TBC1D14: variants seen among roughly 807,000 people sequenced by gnomAD.
TBC1D14 encodes the protein TBC1 domain family member 14, also known as TBC1 domain family, member 14.
In TBC1D14, 26 loss-of-function variants were observed where a neutral mutation model predicts 79.0. The ratio of observed to expected loss-of-function variants is 0.33; its 90% confidence interval spans 0.24 to 0.46. TBC1D14 has a LOEUF of 0.46. TBC1D14 is among the 20% of genes least tolerant of loss of function. The probability of loss-of-function intolerance (pLI) is 1.00; values close to 1 mark genes in which losing one functional copy is unlikely to be tolerated. For synonymous variants in TBC1D14, 394 were observed against 349.9 expected, an observed-to-expected ratio of 1.13 and a Z score of -1.40; for missense variants, 769 against 887.6, an observed-to-expected ratio of 0.87 and a Z score of 1.70.
chr4:6,994,054 G>A, intron 3 of TBC1D14, 130 bp from the exon 4 acceptor site: 1 of 748,300 alleles, frequency 1.3e-6, no homozygotes, highest in Non-Finnish European at 2.3e-6. Context: ...TGAATAGCAG[G>A]AAAGGTTTTT....
chr4:7,027,704 A>G (rs1199147639), intron 13 of TBC1D14, among the ~76,000 whole-genome samples: 1 of 82,580 alleles, frequency 1.2e-5, no homozygotes, highest in Non-Finnish European at 2.2e-5. Context: ...CCCCCCACAC[A>G]TCACACAACC....
chr4:6,960,657 C>T (rs926146663), intron 2 of TBC1D14, among the ~76,000 whole-genome samples: 1 of 152,204 alleles, frequency 6.6e-6, no homozygotes, highest in Non-Finnish European at 1.5e-5. Flanking sequence ...TGTTTTATGT[C>T]AGCCAGCATC....
chr4:6,923,168 C>T (rs1214648575), intron 1 of TBC1D14, among the ~76,000 whole-genome samples: 3 of 152,204 alleles, frequency 2.0e-5, no homozygotes, highest in African/African-American at 4.8e-5. Context: ...CGCCACTGCC[C>T]TCCAGCCTGG....
In TBC1D14 at chr4:6,923,395, T is replaced by A; in HGVS notation, c.6T>A (p.Thr2=). The change falls in exon 2 of 14, where the codon ACT becomes ACA. Residue 2 remains threonine (T), a synonymous_variant. Transcript: ENST00000409757. ...TAGTTTCTCCTTGGACCAAGATGAC[T>A]GATGGAAAACTCTCCACCTCTACAA... is the stretch of plus-strand genomic sequence containing the variant. M[T]DGKLSTSTNG... 1 of 1,590,280 alleles carries A rather than the reference T, an allele frequency of 6.3e-7. No individual in the cohort carries two copies. Among genetic ancestry groups the A allele is most frequent in the Non-Finnish European group, 8.6e-7 (1 of 1,166,390 alleles).
At chr4:6,945,271 C>T (rs899856524) in intron 2 of TBC1D14, among the ~76,000 whole-genome samples, 1 of 152,054 alleles carries the variant, frequency 6.6e-6, no homozygotes, top group Non-Finnish European at 1.5e-5. Flanking sequence ...AATCAGCACA[C>T]AGCCTGGATC....
chr4:6,925,574 C>G (rs573407293), intron 2 of TBC1D14, among the ~76,000 whole-genome samples: 2 of 152,258 alleles, frequency 1.3e-5, no homozygotes, highest in East Asian at 3.9e-4. Context: ...GTGAGATGAT[C>G]TGTGGTGTGG....
At chr4:6,930,798 C>CAAAAAAAAAAAAAAAA (rs35354700) in intron 2 of TBC1D14, among the ~76,000 whole-genome samples, 1 of 139,292 alleles carries the variant, frequency 7.2e-6, no homozygotes, top group African/African-American at 2.7e-5. Context: ...ACTCCATCTC[C>CAAAAAAAAAAAAAAAA]AAAAAAAAAA....
intron 3 of TBC1D14, among the ~76,000 whole-genome samples, chr4:6,993,756 T>C (rs912682194): frequency 6.6e-6 from 1 of 152,196 alleles, no homozygotes; most frequent in African/African-American, 2.4e-5. Context: ...ACGCCTGTAA[T>C]GTCAGCACTT....
In TBC1D14 at chr4:6,923,686, G is replaced by A; in HGVS notation, c.297G>A (p.Arg99=). ...CCGACTCCGACCTCATCCCCGAGCG[G>A]GCCTTCCAGAGCGCCTGCGCGCTGC... The part of the protein sequence containing the change: ...KQSDSDLIPE[R]AFQSACALPS... Residue 99 remains arginine, a synonymous_variant, in exon 2 of 14, where the codon CGG becomes CGA. Coordinates refer to ENST00000409757, the MANE Select transcript of TBC1D14 (RefSeq NM_020773.3). 1.9e-6 allele frequency: 3 copies of A among 1,613,750 alleles called. No homozygotes were observed. Among genetic ancestry groups the A allele is most frequent in the Admixed American group, 3.3e-5 (2 of 60,024 alleles).
At chr4:6,976,564 G>A (rs957037799) in intron 3 of TBC1D14, among the ~76,000 whole-genome samples, 1 of 152,170 alleles carries the variant, frequency 6.6e-6, no homozygotes, top group Non-Finnish European at 1.5e-5. Flanking sequence ...TCTGTATCCA[G>A]CAAAAATGCC....
intron 9 of TBC1D14, among the ~76,000 whole-genome samples, chr4:7,008,024 C>A (rs956993300): frequency 5.9e-5 from 9 of 152,200 alleles, no homozygotes; most frequent in African/African-American, 2.2e-4. Flanking sequence ...TGGGCAAATC[C>A]ATCTTTTTGA....
intron 3 of TBC1D14, among the ~76,000 whole-genome samples, chr4:6,976,930 T>C (rs539829518): frequency 4.6e-5 from 7 of 151,724 alleles, no homozygotes; most frequent in Non-Finnish European, 1.0e-4. Flanking sequence ...AAAACCACAG[T>C]TGAATATACA....
At position 7,004,861 on chromosome 4, in the gene TBC1D14, C is replaced by G; in HGVS notation, c.1288C>G (p.Leu430Val). The G allele has an allele frequency of 1.9e-6, 3 of 1,614,130 alleles. No individual in the cohort carries two copies. Among genetic ancestry groups the G allele is most frequent in the Non-Finnish European group, 2.5e-6 (3 of 1,180,000 alleles). ...TCTTCCAGAGCTCTTTGACATCTGTCTTGCCCGAGCCAAGGAGAGGTGGCG... is the reference window on the plus strand; with the variant it reads ...TCTTCCAGAGCTCTTTGACATCTGTGTTGCCCGAGCCAAGGAGAGGTGGCG... ...NITHELFDIC[L>V]ARAKERWRSL... Residue 430 changes from leucine to valine, a missense_variant, in exon 8 of 14, where the codon CTT becomes GTT. Leu to Val is a conservative substitution (Grantham distance 32). This residue lies in a region of TBC1D14 where 367 missense variants were observed against 494.4 expected (regional missense o/e 0.74). Transcript: ENST00000409757.
chr4:7,001,287 C>T (rs771221864), intron 7 of TBC1D14, 36 bp downstream of exon 7: 8 of 1,565,664 alleles, frequency 5.1e-6, no homozygotes, highest in Admixed American at 5.1e-5. Context: ...AGTCCACCTC[C>T]AGGCCCTTTG....
intron 2 of TBC1D14, among the ~76,000 whole-genome samples, chr4:6,950,888 T>C (rs1354843563): frequency 1.3e-5 from 2 of 152,228 alleles, no homozygotes; most frequent in Non-Finnish European, 2.9e-5. Flanking sequence ...GATATCAAAA[T>C]TATGCTGGCC....
At chr4:6,989,224 CT>C (rs1718232281) in intron 3 of TBC1D14, among the ~76,000 whole-genome samples, 1 of 152,146 alleles carries the variant, frequency 6.6e-6, no homozygotes, top group Admixed American at 6.5e-5. Flanking sequence ...GACCCTGCCC[CT>C]GGATGCGTCT....
intron 11 of TBC1D14, among the ~76,000 whole-genome samples, chr4:7,013,708 A>G (rs1474688868): frequency 6.7e-6 from 1 of 149,668 alleles, no homozygotes; most frequent in Non-Finnish European, 1.5e-5. Context: ...TGGAAGTGCC[A>G]GGGGTTGGAC....
intron 1 of TBC1D14, among the ~76,000 whole-genome samples, chr4:6,922,587 A>G (rs1257503261): frequency 2.6e-5 from 4 of 152,192 alleles, no homozygotes; most frequent in South Asian, 4.1e-4. Context: ...GCTGCTGCAG[A>G]TGGCATACAT....
chr4:6,984,481 T>TAGC (rs10655231), intron 3 of TBC1D14, among the ~76,000 whole-genome samples: 17,414 of 152,158 alleles, frequency 0.11, 1,495 homozygotes, highest in African/African-American at 0.24. Context: ...GGTTTGGAAA[T>TAGC]AGTTGGTGAA....
Sources: allele counts gnomAD v4.1 joint callset (sites outside exome capture counted in the v4.1 genomes callset), GRCh38; gene constraint gnomAD v4.1.1; regional missense constraint gnomAD v4.1.1; transcripts MANE v1.5; gene names NCBI Gene and HGNC (gene_info 2026-07-23, HGNC 2026-07-21).